The following FER1L6 variants were observed in gnomAD, a reference collection of about 807,000 sequenced individuals.
The protein encoded by FER1L6 is fer-1-like protein 6.
FER1L6 carries 177 observed loss-of-function variants against 219.2 expected under a neutral mutation model. The observed-to-expected ratio is 0.81, with a 90% CI of 0.71 to 0.91. The LOEUF is 0.91. Ranked by LOEUF, FER1L6 falls within the 40% of genes least tolerant of loss-of-function variation. The pLI is 0.00. For missense variants in FER1L6, 2,153 were observed against 2,259.9 expected (o/e 0.95, Z 0.96); for synonymous variants, 768 against 824.3 (o/e 0.93, Z 1.17).
intron 12 of FER1L6, 57 bp from the exon 13 acceptor site, chr8:124,003,110 C>A: frequency 4.1e-6 from 6 of 1,470,926 alleles, no homozygotes; most frequent in Admixed American, 1.8e-5. Context: ...TTATGCCAAG[C>A]AGACTGATTC....
intron 34 of FER1L6, among the ~76,000 whole-genome samples, chr8:124,092,852 CTTTTTTTTTTTTTT>C (rs56104148): frequency 7.1e-6 from 1 of 140,146 alleles, no homozygotes; most frequent in Non-Finnish European, 1.5e-5. Context: ...AAGTGCTACC[CTTTTTTTTTTTTTT>C]TTTTTTTGAG....
intron 1 of FER1L6, among the ~76,000 whole-genome samples, chr8:123,955,052 C>A (rs1049208857): frequency 5.9e-5 from 9 of 152,286 alleles, no homozygotes; most frequent in African/African-American, 1.9e-4. Context: ...AGGAGGCTGG[C>A]AGAGCATTAG....
intron 1 of FER1L6, among the ~76,000 whole-genome samples, chr8:123,919,543 C>A (rs1052010344): frequency 1.3e-5 from 2 of 152,216 alleles, no homozygotes; most frequent in African/African-American, 2.4e-5. Context: ...GAGGAGCCAC[C>A]TCTGCTCATG....
rs35905578 is a variant in FER1L6, at chr8:123,950,967, T to C, written c.-7-5025T>C. Among the ~76,000 whole-genome samples the C allele has an allele frequency of 7.4e-3, 1,121 of 152,296 alleles. 7 individuals carry two copies. Among genetic ancestry groups the C allele is most frequent in the Non-Finnish European group, 0.011 (723 of 68,026 alleles). On this transcript the variant is annotated intron_variant, in intron 1 of 40. Transcript: ENST00000522917. ...GAAGGTAGCCAATTTTGTGGGCTAA[T>C]TGTAGGGGTTGAGGTTGAGTGGAAA...
intron 18 of FER1L6, among the ~76,000 whole-genome samples, chr8:124,025,986 C>A (rs1476345205): frequency 1.3e-5 from 2 of 152,136 alleles, no homozygotes; most frequent in African/African-American, 2.4e-5. Context: ...ACAGCTAGTT[C>A]AGGATTCCTT....
intron 5 of FER1L6, 96 bp from the exon 6 acceptor site, chr8:123,969,939 T>A: frequency 1.1e-6 from 1 of 875,618 alleles, no homozygotes; most frequent in Non-Finnish European, 2.0e-6. Flanking sequence ...CATGCAGCAG[T>A]TGGTTTGAAT....
intron 1 of FER1L6, among the ~76,000 whole-genome samples, chr8:123,915,330 CA>C (rs1813152887): frequency 6.6e-6 from 1 of 151,938 alleles, no homozygotes; most frequent in African/African-American, 2.4e-5. Flanking sequence ...TCATGTGGTT[CA>C]GGGGTGGCCT....
At chr8:123,958,654 T>C (rs1350558230) in intron 2 of FER1L6, among the ~76,000 whole-genome samples, 1 of 151,970 alleles carries the variant, frequency 6.6e-6, no homozygotes, top group South Asian at 2.1e-4. Flanking sequence ...ATTGGGACTA[T>C]GACTGAGGTA....
At chr8:124,112,622 C>G (rs1237411062) in intron 39 of FER1L6, among the ~76,000 whole-genome samples, 1 of 152,216 alleles carries the variant, frequency 6.6e-6, no homozygotes, top group Non-Finnish European at 1.5e-5. Flanking sequence ...AATTCTATCC[C>G]TGGTACATCA....
At chr8:124,017,574 A>G in intron 15 of FER1L6, 54 bp from the exon 16 acceptor site, 10 of 1,356,084 alleles carry the variant, frequency 7.4e-6, no homozygotes, top group Non-Finnish European at 1.1e-5. Flanking sequence ...CTCTGGAATT[A>G]TATAAATGGA....
At chr8:124,047,355 C>G (rs1309541112) in intron 21 of FER1L6, among the ~76,000 whole-genome samples, 2 of 152,206 alleles carry the variant, frequency 1.3e-5, no homozygotes, top group African/African-American at 2.4e-5. Flanking sequence ...TAATACCTTT[C>G]TATAGGATCA....
intron 1 of FER1L6, chr8:123,925,587 G>T (rs1023016502): frequency 2.0e-5 from 3 of 152,188 alleles, no homozygotes; most frequent in Non-Finnish European, 2.9e-5. Flanking sequence ...GAAATGGAAG[G>T]AAGAAAGCAT....
In FER1L6 at chr8:123,966,156, C is replaced by A. The variant is rs1815527268; in HGVS notation, c.253-3C>A. The A allele has an allele frequency of 6.2e-7, 1 of 1,613,932 alleles. No homozygotes were observed. The highest frequency in any genetic ancestry group is 8.5e-7 in the Non-Finnish European group (1 of 1,179,950). On this transcript the variant is annotated splice_polypyrimidine_tract_variant and splice_region_variant and intron_variant, in intron 4 of 40. Transcript: ENST00000522917. The stretch of plus-strand genomic sequence containing the variant: ...ATGGTGTCCACACTGCTTTGTGTTG[C>A]AGATTGCCATAACCATCACCGAGGC...
chr8:123,931,479 T>G (rs183842965), intron 1 of FER1L6, among the ~76,000 whole-genome samples: 7 of 152,348 alleles, frequency 4.6e-5, no homozygotes, highest in Non-Finnish European at 1.0e-4. Context: ...TGTTTTGGTT[T>G]ACAAAGACAA....
intron 13 of FER1L6, among the ~76,000 whole-genome samples, chr8:124,007,611 T>C (rs970809169): frequency 6.6e-6 from 1 of 152,264 alleles, no homozygotes; most frequent in African/African-American, 2.4e-5. Context: ...CTTATCAGCA[T>C]GCTCACATTT....
chr8:124,098,012 G>T lies in FER1L6; in HGVS notation c.4883+129G>T, dbSNP rs143523857. ...CAAAGTGAGCCATCTTACTTTTAAG[G>T]CCACCTTCTTTGTCTAATATTTGTC... On this transcript the variant is annotated intron_variant, in intron 37 of 40. Transcript: ENST00000522917. The T allele has an allele frequency of 1.1e-3, 589 of 527,242 alleles. 8 individuals carry two copies. The East Asian group carries it at 0.017, about 15-fold the overall frequency. 32.7% of individuals were successfully genotyped at this position (527,242 alleles called of 1,614,324 possible).
intron 34 of FER1L6, among the ~76,000 whole-genome samples, chr8:124,093,276 G>A (rs1000376253): frequency 2.6e-5 from 4 of 152,050 alleles, no homozygotes; most frequent in African/African-American, 4.8e-5. Context: ...ATTACAGTTC[G>A]ACATGAGATT....
At chr8:123,869,327 G>A (rs554087562) in intron 1 of FER1L6, among the ~76,000 whole-genome samples, 9 of 152,158 alleles carry the variant, frequency 5.9e-5, no homozygotes, top group South Asian at 4.2e-4. Context: ...TCTGTATCCC[G>A]AGCACATCTC....
At chr8:123,886,061 AG>A (rs1259014465) in intron 1 of FER1L6, among the ~76,000 whole-genome samples, 1 of 152,178 alleles carries the variant, frequency 6.6e-6, no homozygotes, top group Admixed American at 6.5e-5. Context: ...CTGCGTTCGG[AG>A]TACTTCCTTT....
Sources: allele counts gnomAD v4.1 joint callset (sites outside exome capture counted in the v4.1 genomes callset), GRCh38; gene constraint gnomAD v4.1.1; transcripts MANE v1.5; gene names NCBI Gene and HGNC (gene_info 2026-07-23, HGNC 2026-07-21).